VCL: variants seen among roughly 807,000 people sequenced by gnomAD.
The protein encoded by VCL is vinculin.
In VCL, 47 loss-of-function variants were observed where a neutral mutation model predicts 125.7. That is an observed-to-expected ratio of 0.37 (90% CI 0.30 to 0.48). The LOEUF (loss-of-function observed/expected upper bound fraction) is 0.48, where lower values mean the gene tolerates loss of function less well. VCL is among the 20% of genes least tolerant of loss of function. VCL has a pLI of 0.99. For synonymous variants in VCL, 458 were observed against 514.6 expected, an observed-to-expected ratio of 0.89 and a Z score of 1.49; for missense variants, 1,069 against 1,455.5, an observed-to-expected ratio of 0.73 and a Z score of 4.32.
intron 8 of VCL, among the ~76,000 whole-genome samples, chr10:74,087,027 T>A (rs868534287): frequency 6.6e-6 from 1 of 152,048 alleles, no homozygotes; most frequent in African/African-American, 2.4e-5. Flanking sequence ...AAAAAAAAAA[T>A]TTCTAAATTT....
At chr10:74,107,148 A>G in intron 16 of VCL, 82 bp from the exon 17 acceptor site, 2 of 1,610,602 alleles carry the variant, frequency 1.2e-6, no homozygotes, top group Non-Finnish European at 8.5e-7. Context: ...GCTTTTGTTC[A>G]TGGAACCAGT....
chr10:74,085,602 G>A (rs1034418323), intron 8 of VCL, among the ~76,000 whole-genome samples: 19 of 152,038 alleles, frequency 1.2e-4, no homozygotes, highest in Admixed American at 2.0e-4. Context: ...ATATAAATTT[G>A]TTTGGAATTC....
intron 1 of VCL, among the ~76,000 whole-genome samples, chr10:74,018,020 G>A (rs75120846): frequency 0.017 from 2,620 of 149,986 alleles, 28 homozygotes; most frequent in Middle Eastern, 0.031. Context: ...TTAACTAGGC[G>A]TGGTGGTGTA....
intron 1 of VCL, among the ~76,000 whole-genome samples, chr10:74,012,752 G>A (rs1840459205): frequency 6.6e-6 from 1 of 152,044 alleles, no homozygotes; most frequent in South Asian, 2.1e-4. Flanking sequence ...AACTCACTGG[G>A]TTTTTGTTTC....
chr10:74,006,830 C>G (rs541027329), intron 1 of VCL, among the ~76,000 whole-genome samples: 98 of 152,088 alleles, frequency 6.4e-4, no homozygotes, highest in African/African-American at 2.1e-3. Flanking sequence ...ATTCCCAAAT[C>G]CAAAAAAATC....
rs563084737 is a variant in VCL at position 74,105,627 on chromosome 10, G to A, written c.2434+274G>A. ...GCCAGAGGGCAGTGGCATGATCTCAGCTCACTGAAACCTCCACCTTCTGGG... is the reference window on the plus strand; with the variant it reads ...GCCAGAGGGCAGTGGCATGATCTCAACTCACTGAAACCTCCACCTTCTGGG... On this transcript the variant is annotated intron_variant, in intron 16 of 21. Coordinates refer to ENST00000211998, the MANE Select transcript of VCL (RefSeq NM_014000.3). 2.0e-5 allele frequency among the ~76,000 whole-genome samples: 3 copies of A among 152,206 alleles called. No individual in the cohort carries two copies. In the South Asian group the frequency reaches 6.2e-4, roughly 32 times the overall value.
chr10:74,079,486 C>T (rs910083893), intron 6 of VCL, among the ~76,000 whole-genome samples: 2 of 152,132 alleles, frequency 1.3e-5, no homozygotes, highest in Non-Finnish European at 2.9e-5. Context: ...TACAGACCTA[C>T]ATGACAAGGT....
intron 13 of VCL, 51 bp from the exon 14 acceptor site, chr10:74,100,897 C>T: frequency 6.2e-7 from 1 of 1,610,066 alleles, no homozygotes; most frequent in South Asian, 1.1e-5. Context: ...CTTAGGCTGC[C>T]TGACCCATTT....
At chr10:74,096,949 G>C (rs749223564) in intron 12 of VCL, among the ~76,000 whole-genome samples, 29 of 152,176 alleles carry the variant, frequency 1.9e-4, no homozygotes, top group Non-Finnish European at 3.4e-4. Context: ...AAGGAAGTAG[G>C]GTTCCTTGAT....
intron 17 of VCL, 51 bp from the exon 18 acceptor site, chr10:74,108,920 A>AG (rs1334279045): frequency 1.2e-6 from 2 of 1,605,514 alleles, no homozygotes; most frequent in Non-Finnish European, 1.7e-6. Context: ...AAAGAATTCC[A>AG]GGGGGGAGTA....
intron 18 of VCL, among the ~76,000 whole-genome samples, chr10:74,111,401 T>C (rs1840216426): frequency 6.6e-6 from 1 of 152,200 alleles, no homozygotes; most frequent in African/African-American, 2.4e-5. Context: ...CTGACCCAAA[T>C]TGCCTCCTGT....
At chr10:74,026,142 AG>A (rs959470445) in intron 1 of VCL, among the ~76,000 whole-genome samples, 4 of 152,226 alleles carry the variant, frequency 2.6e-5, no homozygotes, top group African/African-American at 9.7e-5. Context: ...TGGTTGAAAA[AG>A]AAAAGGGAAG....
chr10:74,101,779 G>A (rs1165222038), intron 14 of VCL, among the ~76,000 whole-genome samples: 3 of 150,536 alleles, frequency 2.0e-5, no homozygotes, highest in Admixed American at 6.6e-5. Flanking sequence ...GGATGGTCTC[G>A]ATCTTAGTTT....
Position 74,109,127 on chromosome 10 carries a change from C to T in VCL, c.2716C>T (p.His906Tyr). Residue 906 changes from histidine to tyrosine, a missense_variant, in exon 18 of 22, where the codon CAT becomes TAT. Physicochemically the swap from His to Tyr is moderately conservative, Grantham distance 83. Transcript: ENST00000211998. ...QPMMMAARQLHDEARKWSSKP... is the reference protein window; with the variant it reads ...QPMMMAARQLYDEARKWSSKP... ...AATGATGATGGCTGCCAGACAGCTC[C>T]ATGATGAAGCTCGCAAATGGTCCAG... 1 of 1,614,054 alleles carries T rather than the reference C, an allele frequency of 6.2e-7. No homozygotes were observed. The highest frequency in any genetic ancestry group is 8.5e-7 in the Non-Finnish European group (1 of 1,180,014).
intron 1 of VCL, among the ~76,000 whole-genome samples, chr10:74,022,113 T>A (rs1216266084): frequency 1.3e-5 from 2 of 152,198 alleles, no homozygotes; most frequent in East Asian, 3.8e-4. Context: ...ATTGTATTAT[T>A]TCTCTATGGA....
intron 2 of VCL, among the ~76,000 whole-genome samples, chr10:74,063,262 A>G (rs1841508370): frequency 6.6e-6 from 1 of 152,182 alleles, no homozygotes; most frequent in Non-Finnish European, 1.5e-5. Flanking sequence ...GCCTTCTTGT[A>G]TACCTGATAA....
intron 6 of VCL, 46 bp from the exon 7 acceptor site, chr10:74,082,408 T>C: frequency 6.2e-7 from 1 of 1,601,702 alleles, no homozygotes; most frequent in Admixed American, 1.7e-5. Context: ...TATCATGGTA[T>C]CTCAACTTTT....
rs557439006 is a variant in VCL at position 74,067,813 on chromosome 10, G to A, written c.240-2857G>A. Among the ~76,000 whole-genome samples the A allele has an allele frequency of 1.5e-3, 233 of 152,282 alleles. 1 individual carries two copies. The highest frequency in any genetic ancestry group is 5.2e-3 in the African/African-American group (215 of 41,560). ...CCAGTGAGACAGAAAGCAGATTAGCGGTTATCAGGGGACGGGGGAAGGAGA... is the reference window on the plus strand; with the variant it reads ...CCAGTGAGACAGAAAGCAGATTAGCAGTTATCAGGGGACGGGGGAAGGAGA... On this transcript the variant is annotated intron_variant, in intron 2 of 21. Transcript: ENST00000211998.
intron 8 of VCL, among the ~76,000 whole-genome samples, chr10:74,088,642 A>G (rs1339318052): frequency 6.6e-6 from 1 of 152,242 alleles, no homozygotes; most frequent in East Asian, 1.9e-4. Flanking sequence ...TATAAGTTAG[A>G]AAATGGAAAC....
Sources: allele counts gnomAD v4.1 joint callset (sites outside exome capture counted in the v4.1 genomes callset), GRCh38; gene constraint gnomAD v4.1.1; transcripts MANE v1.5; gene names NCBI Gene and HGNC (gene_info 2026-07-23, HGNC 2026-07-21).